GRID1: variants seen among roughly 807,000 people sequenced by gnomAD.
GRID1 encodes glutamate receptor ionotropic, delta-1.
GRID1 carries 28 observed loss-of-function variants against 98.0 expected under a neutral mutation model. The ratio of observed to expected loss-of-function variants is 0.29; its 90% CI spans 0.21 to 0.39. The LOEUF is 0.39. GRID1 is among the 10% of genes least tolerant of loss of function. The pLI, the probability that GRID1 is intolerant of heterozygous loss-of-function variation, is 1.00. For synonymous variants in GRID1, 553 were observed against 538.5 expected (o/e 1.03, Z -0.37); for missense variants, 1,111 against 1,340.5 (o/e 0.83, Z 2.67).
chr10:86,237,254 T>G (rs1176493302), intron 2 of GRID1, among the ~76,000 whole-genome samples: 1 of 152,164 alleles, frequency 6.6e-6, no homozygotes, highest in Non-Finnish European at 1.5e-5. Context: ...ATGGTTTGGA[T>G]TTGTGTCTCC....
chr10:85,656,390 C>T (rs1347761192), intron 12 of GRID1, among the ~76,000 whole-genome samples: 2 of 152,148 alleles, frequency 1.3e-5, no homozygotes. Flanking sequence ...CCACTGATCC[C>T]TGGGTTGCAG....
intron 2 of GRID1, among the ~76,000 whole-genome samples, chr10:86,316,476 C>T (rs1847900295): frequency 6.6e-6 from 1 of 152,246 alleles, no homozygotes; most frequent in Non-Finnish European, 1.5e-5. Flanking sequence ...TCTGCACATG[C>T]CTGAAACCAG....
intron 4 of GRID1, among the ~76,000 whole-genome samples, chr10:86,022,133 A>G (rs1843058072): frequency 6.6e-6 from 1 of 152,216 alleles, no homozygotes; most frequent in Admixed American, 6.5e-5. Context: ...AGTCTTCTAA[A>G]CCAGTGTGTA....
intron 12 of GRID1, among the ~76,000 whole-genome samples, chr10:85,679,526 T>C (rs1038035734): frequency 6.6e-6 from 1 of 152,102 alleles, no homozygotes; most frequent in Non-Finnish European, 1.5e-5. Context: ...GAGGGAACAA[T>C]TGAATTGACA....
chr10:85,917,158 G>C (rs904553552), intron 4 of GRID1, among the ~76,000 whole-genome samples: 3 of 152,158 alleles, frequency 2.0e-5, no homozygotes, highest in African/African-American at 7.2e-5. Context: ...AGCATGTCCT[G>C]TATGAATACA....
At chr10:86,167,417 C>A (rs1006035864) in intron 3 of GRID1, among the ~76,000 whole-genome samples, 7 of 152,184 alleles carry the variant, frequency 4.6e-5, no homozygotes, top group Admixed American at 2.0e-4. Context: ...GGAAGAGAAC[C>A]AAGCATCTCC....
At chr10:86,304,479 G>A (rs536566279) in intron 2 of GRID1, among the ~76,000 whole-genome samples, 4 of 152,248 alleles carry the variant, frequency 2.6e-5, no homozygotes, top group Non-Finnish European at 4.4e-5. Context: ...CCTCTGAGCA[G>A]GACCCAGTAG....
intron 4 of GRID1, among the ~76,000 whole-genome samples, chr10:85,970,934 A>T (rs964828726): frequency 6.6e-6 from 1 of 152,026 alleles, no homozygotes; most frequent in South Asian, 2.1e-4. Flanking sequence ...TATTTTTTTT[A>T]AAGTCCTAAG....
intron 15 of GRID1, among the ~76,000 whole-genome samples, chr10:85,608,819 T>C (rs75751767): frequency 9.0e-4 from 137 of 152,304 alleles, no homozygotes; most frequent in Non-Finnish European, 1.8e-3. Context: ...GTATGGTAAA[T>C]GTTCCATGGC....
At chr10:86,363,871 C>T (rs976987890) in intron 2 of GRID1, 70 bp downstream of exon 2, 1 of 1,375,700 alleles carries the variant, frequency 7.3e-7, no homozygotes, top group East Asian at 2.3e-5. Context: ...GTCCCAACCC[C>T]TCCGGTGCCC....
chr10:86,263,514 C>T (rs932133856), intron 2 of GRID1, among the ~76,000 whole-genome samples: 15 of 152,220 alleles, frequency 9.9e-5, no homozygotes, highest in African/African-American at 3.1e-4. Context: ...GAACAAGCCG[C>T]CCCCTTCGCC....
chr10:86,364,578 G>A (rs1025775832), intron 1 of GRID1, among the ~76,000 whole-genome samples: 1 of 152,236 alleles, frequency 6.6e-6, no homozygotes, highest in Non-Finnish European at 1.5e-5. Flanking sequence ...CCCCTGCTGA[G>A]TGGAGCTGAG....
At chr10:85,909,901 T>C (rs545028067) in intron 5 of GRID1, among the ~76,000 whole-genome samples, 41 of 152,310 alleles carry the variant, frequency 2.7e-4, no homozygotes, top group Admixed American at 6.5e-4. Flanking sequence ...ATTGTATGTA[T>C]TGCATGTCAA....
intron 2 of GRID1, among the ~76,000 whole-genome samples, chr10:86,363,617 A>G (rs994404941): frequency 3.3e-5 from 5 of 152,014 alleles, no homozygotes; most frequent in Non-Finnish European, 5.9e-5. Context: ...ACCGAGAAAC[A>G]AAGACTGCCC....
intron 4 of GRID1, among the ~76,000 whole-genome samples, chr10:86,015,766 G>A (rs1431544599): frequency 6.6e-6 from 1 of 152,234 alleles, no homozygotes; most frequent in South Asian, 2.1e-4. Context: ...CATTTTAGCT[G>A]ATTAAGTTAG....
In GRID1 at chr10:86,166,212, C is replaced by A. The variant is rs146913793; in HGVS notation, c.521-27188G>T. On this transcript the variant is annotated intron_variant, in intron 3 of 15. Transcript: ENST00000327946. ...ATGTGCTATGTTGGTGTGCTGCACCCGTTAACTCGTCATTTACATTAGGTA... is the reference window on the plus strand; with the variant it reads ...ATGTGCTATGTTGGTGTGCTGCACCAGTTAACTCGTCATTTACATTAGGTA... 2.6e-5 allele frequency among the ~76,000 whole-genome samples: 4 copies of A among 152,214 alleles called. No individual in the cohort carries two copies. In the South Asian group the frequency reaches 8.3e-4, roughly 32 times the overall value.
At chr10:86,328,481 G>A (rs1589450772) in intron 2 of GRID1, among the ~76,000 whole-genome samples, 1 of 152,232 alleles carries the variant, frequency 6.6e-6, no homozygotes. Context: ...GGAGAGGCTG[G>A]AAGCCATGAG....
At chr10:86,289,044 C>G (rs539747841) in intron 2 of GRID1, among the ~76,000 whole-genome samples, 1 of 152,310 alleles carries the variant, frequency 6.6e-6, no homozygotes, top group African/African-American at 2.4e-5. Context: ...TGCCTCTTCT[C>G]CCACTGGGCC....
intron 4 of GRID1, among the ~76,000 whole-genome samples, chr10:86,073,988 T>C (rs1200658619): frequency 7.3e-6 from 1 of 136,406 alleles, no homozygotes; most frequent in African/African-American, 2.8e-5. Context: ...TTATTCTGAG[T>C]AGAAGTAGCC....
Sources: gnomAD v4.1 joint callset for allele counts (sites outside exome capture counted in the v4.1 genomes callset) on GRCh38, gnomAD v4.1.1 for gene constraint, MANE v1.5 for transcripts, NCBI Gene and HGNC (gene_info 2026-07-23, HGNC 2026-07-21) for gene names.